Variants in CYLC1 observed in about 807,000 individuals in gnomAD.
CYLC1 encodes cylicin-1.
In CYLC1, 2 loss-of-function variants were observed where a neutral mutation model predicts 31.6. The ratio of observed to expected loss-of-function variants is 0.06; its 90% confidence interval spans 0.03 to 0.20. CYLC1 has a LOEUF of 0.20. Ranked by LOEUF, CYLC1 falls within the 10% of genes least tolerant of loss-of-function variation. The pLI, the probability that CYLC1 is intolerant of heterozygous loss-of-function variation, is 1.00. For synonymous variants in CYLC1, 185 were observed against 153.0 expected (o/e 1.21, Z -1.54); for missense variants, 595 against 424.1 (o/e 1.40, Z -3.54).
intron 4 of CYLC1, among the ~76,000 whole-genome samples, chrX:83,879,834 T>A (rs2031885204): frequency 9.0e-6 from 1 of 111,556 alleles, no homozygotes; most frequent in Admixed American, 9.6e-5. Context: ...GTTTTCTTAT[T>A]GTTTTATTTT....
intron 1 of CYLC1, among the ~76,000 whole-genome samples, chrX:83,862,428 A>G (rs1433427192): frequency 9.1e-6 from 1 of 109,339 alleles, no homozygotes; most frequent in Non-Finnish European, 1.9e-5. Flanking sequence ...CTGTAGTCCC[A>G]GCTACTCGGG....
chrX:83,881,028 C>A (rs968280396), intron 4 of CYLC1, among the ~76,000 whole-genome samples: 2 of 111,328 alleles, frequency 1.8e-5, no homozygotes, highest in Admixed American at 9.6e-5. Flanking sequence ...CTTTCAATTT[C>A]TATAGTTAAT....
intron 1 of CYLC1, among the ~76,000 whole-genome samples, chrX:83,867,686 T>C (rs1482809619): frequency 9.0e-6 from 1 of 110,955 alleles, no homozygotes; most frequent in Non-Finnish European, 1.9e-5. Context: ...CATAATCACT[T>C]TGCCTTCTCC....
At position 83,881,318 on chromosome X, in the gene CYLC1, C is replaced by T. The variant is rs753017154; in HGVS notation, c.1924-5234C>T. Among the ~76,000 whole-genome samples the T allele has an allele frequency of 2.7e-5, 3 of 110,817 alleles. No homozygotes were observed. The South Asian group carries it at 1.1e-3, about 42-fold the overall frequency. On this transcript the variant is annotated intron_variant, in intron 4 of 4. Coordinates refer to ENST00000329312, the MANE Select transcript of CYLC1 (RefSeq NM_021118.3). ...CATGTTCCTTCATAATAAAATAAAG[C>T]AAGTAAATCCCTCTCTTATTCTGGG...
intron 4 of CYLC1, among the ~76,000 whole-genome samples, chrX:83,877,721 A>G (rs1333572213): frequency 9.7e-6 from 1 of 103,004 alleles, no homozygotes; most frequent in Non-Finnish European, 2.0e-5. Context: ...CCTCTCATCC[A>G]CCACTATGCA....
intron 1 of CYLC1, among the ~76,000 whole-genome samples, chrX:83,863,319 C>A (rs1421937411): frequency 9.0e-6 from 1 of 111,242 alleles, no homozygotes; most frequent in Admixed American, 9.6e-5. Context: ...CCCATTCCAA[C>A]AACTCTACCT....
intron 1 of CYLC1, among the ~76,000 whole-genome samples, chrX:83,865,652 C>T (rs1437631157): frequency 9.0e-6 from 1 of 111,457 alleles, no homozygotes; most frequent in Middle Eastern, 4.3e-3. Flanking sequence ...CTATTGTATT[C>T]CTTGCCTTTT....
At chrX:83,879,289 A>G (rs1291622402) in intron 4 of CYLC1, among the ~76,000 whole-genome samples, 3 of 110,637 alleles carry the variant, frequency 2.7e-5, no homozygotes. Context: ...CTAGAGGTAA[A>G]CAATGTTAGC....
At chrX:83,871,320 C>G in intron 2 of CYLC1, 132 bp from the exon 3 acceptor site, 1 of 378,095 alleles carries the variant, frequency 2.6e-6, no homozygotes, top group Non-Finnish European at 4.4e-6. Flanking sequence ...ACTAGGAACT[C>G]TGAGGAAAAA....
chrX:83,877,942 ATT>A (rs1265843975), intron 4 of CYLC1, among the ~76,000 whole-genome samples: 1 of 78,676 alleles, frequency 1.3e-5, no homozygotes. Flanking sequence ...AAATATATAT[ATT>A]TGTATATAAA....
chrX:83,878,380 T>A (rs867881200), intron 4 of CYLC1, among the ~76,000 whole-genome samples: 171 of 11,886 alleles, frequency 0.014, 1 homozygote, highest in Admixed American at 0.022. Flanking sequence ...AATATATATA[T>A]AAATATATAT....
chrX:83,874,245 G>T lies in CYLC1; in HGVS notation c.1537G>T (p.Ala513Ser). Residue 513 changes from alanine to serine, a missense_variant, in exon 4 of 5, where the codon GCA becomes TCA. By Grantham distance (99) the Ala-to-Ser change is moderately conservative. Coordinates refer to ENST00000329312, the MANE Select transcript of CYLC1 (RefSeq NM_021118.3). ...KGSKKDIKKD[A>S]RKDTESTDAE... The stretch of plus-strand genomic sequence containing the variant: ...TTCAAAGAAAGATATCAAGAAGGAT[G>T]CAAGAAAGGACACAGAGTCTACTGA... 8.3e-7 allele frequency: 1 copy of T among 1,208,409 alleles called. No homozygotes were observed. Among genetic ancestry groups the T allele is most frequent in the Non-Finnish European group, 1.1e-6 (1 of 893,446 alleles).
At chrX:83,865,330 A>G (rs949773727) in intron 1 of CYLC1, among the ~76,000 whole-genome samples, 1 of 111,320 alleles carries the variant, frequency 9.0e-6, no homozygotes, top group Non-Finnish European at 1.9e-5. Context: ...TTTCTCTAGC[A>G]GTGAACATCC....
chrX:83,873,650 G>T lies in CYLC1; in HGVS notation c.942G>T (p.Lys314Asn). The T allele has an allele frequency of 8.3e-7, 1 of 1,198,803 alleles. No individual in the cohort carries two copies. Among genetic ancestry groups the T allele is most frequent in the East Asian group, 3.0e-5 (1 of 33,670 alleles). ...CTAAGAAAGATTCAAAGAAAGTTAAGAAAAATGTCAAGAAAGATGACAAGA... is the reference window on the plus strand; with the variant it reads ...CTAAGAAAGATTCAAAGAAAGTTAATAAAAATGTCAAGAAAGATGACAAGA... ...KDAKKDSKKV[K>N]KNVKKDDKKK... Residue 314 changes from lysine to asparagine, a missense_variant, in exon 4 of 5, where the codon AAG becomes AAT. Coordinates refer to ENST00000329312, the MANE Select transcript of CYLC1 (RefSeq NM_021118.3).
chrX:83,877,456 AG>A (rs1209767964), intron 4 of CYLC1, among the ~76,000 whole-genome samples: 1 of 110,688 alleles, frequency 9.0e-6, no homozygotes, highest in Non-Finnish European at 1.9e-5. Context: ...TACAATCTTT[AG>A]CCCCTACCCA....
rs1360103299 is a variant in CYLC1, at chrX:83,878,011, T to C, written c.1923+3380T>C. On this transcript the variant is annotated intron_variant, in intron 4 of 4. Transcript: ENST00000329312. ...ATATATATATTTGTATATAAATATA[T>C]ATATAAAAATATATATATTTGTATA... is the stretch of plus-strand genomic sequence containing the variant. Among the ~76,000 whole-genome samples the C allele has an allele frequency of 7.5e-5, 5 of 66,903 alleles. No homozygotes were observed. The South Asian group carries it at 3.9e-3, about 52-fold the overall frequency. 58.1% of individuals were successfully genotyped at this position (66,903 alleles called of 115,157 possible). A position where few individuals can be genotyped will look rare whatever the true frequency, so the allele number is the denominator to read the frequency against.
chrX:83,880,111 T>C (rs2031888570), intron 4 of CYLC1, among the ~76,000 whole-genome samples: 2 of 112,071 alleles, frequency 1.8e-5, no homozygotes, highest in Non-Finnish European at 3.8e-5. Context: ...TCTTTGCATA[T>C]TATAGGTATT....
At chrX:83,880,769 T>G in intron 4 of CYLC1, among the ~76,000 whole-genome samples, 1 of 111,476 alleles carries the variant, frequency 9.0e-6, no homozygotes, top group South Asian at 3.7e-4. Flanking sequence ...TCAACATCCC[T>G]CAAATAACAA....
At chrX:83,871,404 G>C in intron 2 of CYLC1, 48 bp from the exon 3 acceptor site, 2 of 973,126 alleles carry the variant, frequency 2.1e-6, no homozygotes, top group Non-Finnish European at 2.9e-6. Context: ...CAGGTCTGTG[G>C]AAAATCTGAC....
Sources: gnomAD v4.1 joint callset for allele counts (sites outside exome capture counted in the v4.1 genomes callset) on GRCh38, gnomAD v4.1.1 for gene constraint, MANE v1.5 for transcripts, NCBI Gene and HGNC (gene_info 2026-07-23, HGNC 2026-07-21) for gene names.